The following DCDC2C variants were observed in gnomAD, a reference collection of about 807,000 sequenced individuals.
DCDC2C encodes the protein doublecortin domain containing 2C, also known as doublecortin domain-containing protein 2C.
Under a neutral mutation model 45.0 loss-of-function variants are expected in DCDC2C, and 44 were observed. That is an observed-to-expected ratio of 0.98 (90% CI 0.77 to 1.26). The LOEUF (loss-of-function observed/expected upper bound fraction) is 1.26, where lower values mean the gene tolerates loss of function less well. Among genes scored for constraint, DCDC2C ranks in the 50% most tolerant of loss-of-function variants. The probability of loss-of-function intolerance (pLI) is 0.00; values close to 1 mark genes in which losing one functional copy is unlikely to be tolerated. For missense variants in DCDC2C, 447 were observed against 468.9 expected (o/e 0.95, Z 0.43); for synonymous variants, 187 against 178.8 (o/e 1.05, Z -0.37).
At chr2:3,782,854 A>G (rs1217761922) in intron 9 of DCDC2C, among the ~76,000 whole-genome samples, 1 of 152,236 alleles carries the variant, frequency 6.6e-6, no homozygotes, top group Non-Finnish European at 1.5e-5. Context: ...GCACTGTTTA[A>G]TTTACGCTAC....
intron 4 of DCDC2C, among the ~76,000 whole-genome samples, chr2:3,747,368 A>G (rs1049042232): frequency 6.6e-6 from 1 of 152,230 alleles, no homozygotes; most frequent in African/African-American, 2.4e-5. Context: ...ACCATGGTGA[A>G]CCATGAACTT....
chr2:3,754,729 G>A (rs1246318287), intron 6 of DCDC2C, 95 bp downstream of exon 6: 2 of 1,093,138 alleles, frequency 1.8e-6, no homozygotes, highest in African/African-American at 1.6e-5. Flanking sequence ...GGCCCGAGCT[G>A]TAAACAGAGC....
intron 10 of DCDC2C, among the ~76,000 whole-genome samples, chr2:3,825,415 C>T (rs997475454): frequency 2.0e-5 from 3 of 152,152 alleles, no homozygotes; most frequent in African/African-American, 7.2e-5. Context: ...GCCTTGTGAC[C>T]TGAACTCTCT....
chr2:3,800,210 C>T (rs1257096768), intron 10 of DCDC2C, among the ~76,000 whole-genome samples: 1 of 152,210 alleles, frequency 6.6e-6, no homozygotes, highest in East Asian at 1.9e-4. Flanking sequence ...TGAGGCAATG[C>T]CTCGCCCTGC....
In DCDC2C at chr2:3,785,054, A is replaced by G. The variant is rs1670614207; in HGVS notation, c.1024-5A>G. 8.1e-7 allele frequency: 1 copy of G among 1,231,490 alleles called. No homozygotes were observed. Among genetic ancestry groups the G allele is most frequent in the Non-Finnish European group, 1.0e-6 (1 of 987,746 alleles). 76.3% of individuals were successfully genotyped at this position (1,231,490 alleles called of 1,614,324 possible). A position where few individuals can be genotyped will look rare whatever the true frequency, so the allele number is the denominator to read the frequency against. ...TTGATTCCTATATTTGTTTTTTCAT[A>G]CTAGGATAAAGAAGATGCAAGGCTT... On this transcript the variant is annotated splice_polypyrimidine_tract_variant and splice_region_variant and intron_variant, in intron 9 of 10. Transcript: ENST00000399143.
At chr2:3,794,726 T>C (rs1231807894) in intron 10 of DCDC2C, among the ~76,000 whole-genome samples, 1 of 152,260 alleles carries the variant, frequency 6.6e-6, no homozygotes, top group Non-Finnish European at 1.5e-5. Context: ...TAGTGTTGCA[T>C]GGTGTATATG....
In DCDC2C at chr2:3,703,777, C is replaced by G; in HGVS notation, c.26C>G (p.Pro9Arg). 8.1e-7 allele frequency: 1 copy of G among 1,236,348 alleles called. No homozygotes were observed. Among genetic ancestry groups the G allele is most frequent in the Non-Finnish European group, 1.0e-6 (1 of 988,580 alleles). The allele number at this position is 1,236,348 out of a possible 1,614,324, so 76.6% of individuals were successfully genotyped here. The change falls in exon 1 of 11, where the codon CCG becomes CGG. Residue 9 changes from proline (P) to arginine (R), a missense_variant. Coordinates refer to ENST00000399143, the MANE Select transcript of DCDC2C (RefSeq NM_001287444.2). This position sits in a 1 kb window ranked among gnomAD's most constrained non-coding sequence, Gnocchi z 4.4. MGTRGPSA[P>R]VDTTPAKTIV... ...ATGGGAACCCGCGGGCCCTCCGCGCCGGTGGACACCACGCCCGCCAAGACC... is the reference window on the plus strand; with the variant it reads ...ATGGGAACCCGCGGGCCCTCCGCGCGGGTGGACACCACGCCCGCCAAGACC...
chr2:3,715,115 G>A (rs894740083), intron 2 of DCDC2C, among the ~76,000 whole-genome samples: 5 of 151,962 alleles, frequency 3.3e-5, no homozygotes, highest in African/African-American at 4.8e-5. Context: ...AACAAAATGG[G>A]AGCATAATCT....
At chr2:3,843,297 A>G (rs1672257588) in intron 10 of DCDC2C, among the ~76,000 whole-genome samples, 1 of 152,118 alleles carries the variant, frequency 6.6e-6, no homozygotes, top group African/African-American at 2.4e-5. Flanking sequence ...GGCGAGAATG[A>G]AATTGGAGTT....
chr2:3,799,285 A>G (rs1311351592), intron 10 of DCDC2C, among the ~76,000 whole-genome samples: 1 of 152,068 alleles, frequency 6.6e-6, no homozygotes, highest in Non-Finnish European at 1.5e-5. Flanking sequence ...AATTTTTTTC[A>G]AAGTTTTCAA....
chr2:3,844,876 C>T (rs1431129876), intron 10 of DCDC2C, among the ~76,000 whole-genome samples: 1 of 152,202 alleles, frequency 6.6e-6, no homozygotes, highest in Non-Finnish European at 1.5e-5. Context: ...AGTGACTTAG[C>T]CACTTTGCGA....
At chr2:3,719,675 G>A (rs949795522) in intron 2 of DCDC2C, among the ~76,000 whole-genome samples, 2 of 152,324 alleles carry the variant, frequency 1.3e-5, no homozygotes, top group South Asian at 2.1e-4. Flanking sequence ...GACACTCCCC[G>A]TGTTCTAAAG....
intron 9 of DCDC2C, among the ~76,000 whole-genome samples, chr2:3,779,405 C>G (rs1428260068): frequency 2.9e-4 from 44 of 152,248 alleles, no homozygotes. Flanking sequence ...TTCTTCCTAT[C>G]TGGATGTCCT....
At chr2:3,805,597 T>G (rs1671217923) in intron 10 of DCDC2C, among the ~76,000 whole-genome samples, 1 of 152,254 alleles carries the variant, frequency 6.6e-6, no homozygotes, top group Non-Finnish European at 1.5e-5. Flanking sequence ...AGTGCTTCTG[T>G]GAAATGTTTC....
chr2:3,819,615 A>C (rs983931327), intron 10 of DCDC2C, among the ~76,000 whole-genome samples: 5 of 152,204 alleles, frequency 3.3e-5, no homozygotes. Context: ...ATGCATATTG[A>C]GAATAAGACA....
chr2:3,769,332 C>G lies in DCDC2C; in HGVS notation c.875C>G (p.Pro292Arg), dbSNP rs569805463. Reference sequence around the variant, plus strand: ...CCAGAAGGTGACGTGTATAAAGCACCGACTCCTAGCAAGGAAACCCAAGGG... The same window carrying G: ...CCAGAAGGTGACGTGTATAAAGCACGGACTCCTAGCAAGGAAACCCAAGGG... ...RGAEGDVYKA[P>R]TPSKETQGAL... is the part of the protein sequence containing the mutation. Residue 292 changes from proline (P) to arginine (R), a missense_variant, in exon 8 of 11, where the codon CCG becomes CGG. Physicochemically the swap from Pro to Arg is moderately radical, Grantham distance 103. Transcript: ENST00000399143. The G allele has an allele frequency of 6.4e-7, 1 of 1,550,400 alleles. No homozygotes were observed. Among genetic ancestry groups the G allele is most frequent in the Middle Eastern group, 1.7e-4 (1 of 5,992 alleles).
chr2:3,846,623 T>A (rs968797), intron 10 of DCDC2C, among the ~76,000 whole-genome samples: 1 of 151,994 alleles, frequency 6.6e-6, no homozygotes, highest in Admixed American at 6.5e-5. Flanking sequence ...TTTAAAAAAT[T>A]TAAAATGTCG....
chr2:3,751,372 G>A (rs928851067), intron 4 of DCDC2C, among the ~76,000 whole-genome samples: 1 of 152,246 alleles, frequency 6.6e-6, no homozygotes, highest in Non-Finnish European at 1.5e-5. Flanking sequence ...TCCAAGCATT[G>A]GGTTTCCCAT....
chr2:3,794,846 G>A (rs1670914399), intron 10 of DCDC2C, among the ~76,000 whole-genome samples: 1 of 152,072 alleles, frequency 6.6e-6, no homozygotes, highest in South Asian at 2.1e-4. Context: ...TGTCTTTATA[G>A]CAGCATGATT....
Sources: gnomAD v4.1 joint callset for allele counts (sites outside exome capture counted in the v4.1 genomes callset) on GRCh38, gnomAD v4.1.1 for gene constraint, Gnocchi (gnomAD v3.1) non-coding constraint, MANE v1.5 for transcripts, NCBI Gene and HGNC (gene_info 2026-07-23, HGNC 2026-07-21) for gene names.